Variants in ALDH1L1 observed in about 807,000 individuals in gnomAD.
ALDH1L1 encodes cytosolic 10-formyltetrahydrofolate dehydrogenase.
In ALDH1L1, 68 loss-of-function variants were observed where a neutral mutation model predicts 101.1. The ratio of observed to expected loss-of-function variants is 0.67; its 90% CI spans 0.55 to 0.82. ALDH1L1 has a LOEUF of 0.82. ALDH1L1 is among the 40% of genes least tolerant of loss of function. ALDH1L1 has a pLI of 0.00. For missense variants in ALDH1L1, 1,087 were observed against 1,172.7 expected (o/e 0.93, Z 1.07); for synonymous variants, 486 against 470.8 (o/e 1.03, Z -0.42).
chr3:126,123,400 A>G (rs1357586679), intron 16 of ALDH1L1, among the ~76,000 whole-genome samples: 1 of 151,892 alleles, frequency 6.6e-6, no homozygotes, highest in Non-Finnish European at 1.5e-5. Flanking sequence ...TGGGGTTACA[A>G]GCGCCTGCCA....
chr3:126,170,193 C>T (rs1466885248), intron 1 of ALDH1L1, among the ~76,000 whole-genome samples: 1 of 152,072 alleles, frequency 6.6e-6, no homozygotes, highest in African/African-American at 2.4e-5. Context: ...CCTTTTAAGC[C>T]AACTATTAAA....
intron 14 of ALDH1L1, among the ~76,000 whole-genome samples, chr3:126,126,897 A>C (rs1056616098): frequency 6.6e-6 from 1 of 152,190 alleles, no homozygotes; most frequent in Non-Finnish European, 1.5e-5. Context: ...CATACAAAGA[A>C]CACCACATGG....
chr3:126,110,541 T>A (rs1205955069), intron 19 of ALDH1L1, among the ~76,000 whole-genome samples: 1 of 152,064 alleles, frequency 6.6e-6, no homozygotes, highest in African/African-American at 2.4e-5. Flanking sequence ...GCTGCAATAG[T>A]CCTGGTGCCA....
intron 1 of ALDH1L1, among the ~76,000 whole-genome samples, chr3:126,195,334 C>A (rs979527037): frequency 3.9e-5 from 6 of 152,126 alleles, no homozygotes; most frequent in African/African-American, 1.4e-4. Context: ...ACTTTCCTGA[C>A]AAAATATTTG....
At chr3:126,178,183 C>A (rs2081398322) in intron 1 of ALDH1L1, among the ~76,000 whole-genome samples, 1 of 152,064 alleles carries the variant, frequency 6.6e-6, no homozygotes. Context: ...GAGTTCAAGG[C>A]CAGCTTGGGC....
chr3:126,133,873 C>T (rs1436399513), intron 12 of ALDH1L1, among the ~76,000 whole-genome samples: 2 of 152,334 alleles, frequency 1.3e-5, no homozygotes, highest in East Asian at 1.9e-4. Flanking sequence ...AGCTCCCCCA[C>T]GGTCTTTCCC....
At chr3:126,143,463 G>T (rs574819457) in intron 9 of ALDH1L1, among the ~76,000 whole-genome samples, 1 of 152,200 alleles carries the variant, frequency 6.6e-6, no homozygotes, top group South Asian at 2.1e-4. Flanking sequence ...AATTATTTCT[G>T]GACTTTTCCA....
chr3:126,150,269 A>C, intron 8 of ALDH1L1, 137 bp downstream of exon 8: 1 of 1,383,582 alleles, frequency 7.2e-7, no homozygotes, highest in Non-Finnish European at 9.6e-7. Flanking sequence ...ACGAGATAGA[A>C]CCAACACTGC....
intron 15 of ALDH1L1, 86 bp downstream of exon 15, chr3:126,125,530 G>A: frequency 9.0e-7 from 1 of 1,108,724 alleles, no homozygotes. Flanking sequence ...GTGGCCAAGA[G>A]AGGCCCTTCC....
chr3:126,112,774 G>T lies in ALDH1L1; in HGVS notation c.2181+8C>A. 1 of 1,612,436 alleles carries T rather than the reference G, an allele frequency of 6.2e-7. No homozygotes were observed. The highest frequency in any genetic ancestry group is 1.1e-5 in the South Asian group (1 of 91,062). On this transcript the variant is annotated splice_region_variant and intron_variant, in intron 19 of 22. Coordinates refer to ENST00000393434, the MANE Select transcript of ALDH1L1 (RefSeq NM_012190.4). ...CCAGCCGCCCGCAGACCCTGGGGCA[G>T]GACTTACCACTCTCCGCACGAACTC... is the stretch of plus-strand genomic sequence containing the variant.
chr3:126,180,929 C>T, upstream of ALDH1L1: 1 of 1,609,326 alleles, frequency 6.2e-7, no homozygotes, highest in East Asian at 2.2e-5. Flanking sequence ...CACTCACTCG[C>T]TCACCCTCTC....
intron 21 of ALDH1L1, among the ~76,000 whole-genome samples, chr3:126,106,936 G>T (rs913253809): frequency 2.6e-5 from 4 of 152,222 alleles, no homozygotes; most frequent in Non-Finnish European, 4.4e-5. Context: ...TTGCTCACAG[G>T]GGGGACTCAA....
rs148376331 is a variant in ALDH1L1, at chr3:126,135,547, C to T, written c.1460G>A (p.Arg487Gln). The T allele has an allele frequency of 5.4e-5, 87 of 1,608,002 alleles. No homozygotes were observed. In the African/African-American group the frequency reaches 6.1e-4, roughly 11 times the overall value. Residue 487 changes from arginine (R) to glutamine (Q), a missense_variant, in exon 12 of 23, where the codon CGG (arginine) becomes CAG (glutamine). Arg to Gln is a conservative substitution (Grantham distance 43). This residue lies in a region of ALDH1L1 where 645 missense variants were observed against 637.0 expected (regional missense o/e 1.01). Coordinates refer to ENST00000393434, the MANE Select transcript of ALDH1L1 (RefSeq NM_012190.4). ...GTTGGGCTCCCACCTGTACATCAGC[C>T]GGCCCCGGTCCCGCGCACTGATCTT... ...WGKISARDRG[R>Q]LMYRLADLME...
At chr3:126,145,590 A>G (rs2080658456) in intron 9 of ALDH1L1, among the ~76,000 whole-genome samples, 1 of 152,242 alleles carries the variant, frequency 6.6e-6, no homozygotes, top group Admixed American at 6.5e-5. Flanking sequence ...ACAGAAGGAC[A>G]AATGCTGCAT....
chr3:126,109,805 C>G lies in ALDH1L1; in HGVS notation c.2347+139G>C. 2.4e-6 allele frequency: 3 copies of G among 1,251,106 alleles called. No homozygotes were observed. The East Asian group carries it at 7.5e-5, about 31-fold the overall frequency. The allele number at this position is 1,251,106 out of a possible 1,614,324, so 77.5% of individuals were successfully genotyped here. ...CAAATAGCCACAGCCCAGTCCATCC[C>G]AGGTCCCAGATGGGGCTGCAGCCTG... On this transcript the variant is annotated intron_variant, in intron 20 of 22. Coordinates refer to ENST00000393434, the MANE Select transcript of ALDH1L1 (RefSeq NM_012190.4).
chr3:126,166,383 T>C (rs377758281), intron 1 of ALDH1L1, among the ~76,000 whole-genome samples: 25 of 152,368 alleles, frequency 1.6e-4, no homozygotes, highest in African/African-American at 5.8e-4. Context: ...TAACTTGGCA[T>C]AACATTTATA....
upstream of ALDH1L1, among the ~76,000 whole-genome samples, chr3:126,183,155 A>C (rs1000580267): frequency 1.3e-5 from 2 of 152,160 alleles, no homozygotes; most frequent in Non-Finnish European, 2.9e-5. Context: ...ACCTCAGAAT[A>C]TTTTGTTAAA....
At chr3:126,149,796 T>C (rs1212605317) in intron 8 of ALDH1L1, among the ~76,000 whole-genome samples, 1 of 152,138 alleles carries the variant, frequency 6.6e-6, no homozygotes, top group Non-Finnish European at 1.5e-5. Context: ...GCCTTGCCAT[T>C]TGCTGTTCCT....
Position 126,136,770 on chromosome 3 carries a change from A to G in ALDH1L1, c.1338T>C (p.Asp446=). Residue 446 remains aspartate (D), a synonymous_variant, in exon 11 of 23, where the codon GAT becomes GAC. Coordinates refer to ENST00000393434, the MANE Select transcript of ALDH1L1 (RefSeq NM_012190.4). ...GTGCTGGGCCTGCACTCACACTTCC[A>G]TCGGTGGGATTGATGGTCTCAGAGG... The part of the protein sequence containing the change: ...AKTSETINPT[D]GSVICQVSLA... The G allele has an allele frequency of 3.2e-6, 5 of 1,571,074 alleles. No individual in the cohort carries two copies. The highest frequency in any genetic ancestry group is 3.5e-6 in the Non-Finnish European group (4 of 1,157,286).
Sources: gnomAD v4.1 joint callset for allele counts (sites outside exome capture counted in the v4.1 genomes callset) on GRCh38, gnomAD v4.1.1 for gene constraint, gnomAD v4.1.1 regional missense constraint, MANE v1.5 for transcripts, NCBI Gene and HGNC (gene_info 2026-07-23, HGNC 2026-07-21) for gene names.